The following SV2C variants were observed in gnomAD, a reference collection of about 807,000 sequenced individuals.
SV2C encodes the protein solute carrier family 22 member B3.
In SV2C, 49 loss-of-function variants were observed where a neutral mutation model predicts 79.7. The observed-to-expected ratio is 0.61, with a 90% CI of 0.49 to 0.78. The LOEUF (loss-of-function observed/expected upper bound fraction) is 0.78. Among genes scored for constraint, SV2C ranks in the 30% least tolerant of loss-of-function variants. SV2C has a pLI of 0.00. For missense variants in SV2C, 833 were observed against 912.9 expected (o/e 0.91, Z 1.13); for synonymous variants, 334 against 333.2 (o/e 1.00, Z -0.03).
the SV2C span, among the ~76,000 whole-genome samples, chr5:75,877,798 A>G: frequency 6.6e-6 from 1 of 152,116 alleles, no homozygotes; most frequent in Non-Finnish European, 1.5e-5. Context: ...GTTGAAGGGT[A>G]TAAGTGTTTC....
chr5:76,319,009 C>G (rs1393617875), intron 12 of SV2C, among the ~76,000 whole-genome samples: 2 of 152,182 alleles, frequency 1.3e-5, no homozygotes, highest in Non-Finnish European at 2.9e-5. Flanking sequence ...TAAGTAAGAA[C>G]AGAGAGTAAA....
chr5:75,901,162 T>C, the SV2C span, among the ~76,000 whole-genome samples: 1 of 152,234 alleles, frequency 6.6e-6, no homozygotes, highest in Admixed American at 6.5e-5. Flanking sequence ...AGAGTCGCTC[T>C]GCTTTTTAGA....
chr5:76,096,244 A>G (rs948155122), intron 1 of SV2C, among the ~76,000 whole-genome samples: 19 of 152,092 alleles, frequency 1.2e-4, no homozygotes, highest in Admixed American at 2.6e-4. Flanking sequence ...TCTTTTTCCT[A>G]ATATCTATCA....
chr5:75,999,075 G>C, the SV2C span, among the ~76,000 whole-genome samples: 2 of 151,952 alleles, frequency 1.3e-5, no homozygotes, highest in African/African-American at 4.8e-5. Context: ...ATTAGAGAAC[G>C]TGTGCAAGGG....
chr5:76,162,659 T>C (rs1041848859), intron 2 of SV2C, among the ~76,000 whole-genome samples: 1 of 152,220 alleles, frequency 6.6e-6, no homozygotes, highest in African/African-American at 2.4e-5. Context: ...TACATACATG[T>C]CACACAAAAT....
intron 12 of SV2C, among the ~76,000 whole-genome samples, chr5:76,322,480 C>A (rs150803345): frequency 0.027 from 4,078 of 152,268 alleles, 87 homozygotes; most frequent in Non-Finnish European, 0.04. Flanking sequence ...TTTATAGATT[C>A]AATGCTATTC....
chr5:76,264,382 T>C (rs548724578), intron 4 of SV2C, among the ~76,000 whole-genome samples: 21 of 152,096 alleles, frequency 1.4e-4, no homozygotes, highest in Non-Finnish European at 2.8e-4. Flanking sequence ...TAGAATGTGC[T>C]CCTTTAGCTC....
chr5:76,325,494 G>C lies in SV2C; in HGVS notation c.2131G>C (p.Gly711Arg), dbSNP rs779166705. 1 of 1,614,144 alleles carries C rather than the reference G, an allele frequency of 6.2e-7. No individual in the cohort carries two copies. The highest frequency in any genetic ancestry group is 8.5e-7 in the Non-Finnish European group (1 of 1,180,038). ...GCTGGCTTCTACTGTGCTCGTGTGT[G>C]GAGGACTCGTTGGGCTGTGCCTGCC... The part of the protein sequence containing the change: ...ILLASTVLVC[G>R]GLVGLCLPDT... The change falls in exon 13 of 13, where the codon GGA becomes CGA. Residue 711 changes from glycine (G) to arginine (R), a missense_variant. Transcript: ENST00000502798.
the SV2C span, chr5:75,911,705 G>A: frequency 5.5e-5 from 36 of 658,898 alleles, no homozygotes; most frequent in South Asian, 4.9e-4. Flanking sequence ...TCAGAGCCTG[G>A]AGAGGCAAAG....
chr5:76,019,203 A>T, the SV2C span, among the ~76,000 whole-genome samples: 1 of 152,318 alleles, frequency 6.6e-6, no homozygotes, highest in East Asian at 1.9e-4. Context: ...CTGGAAGCCA[A>T]GAGAGTAGTT....
chr5:75,861,628 A>G, the SV2C span, among the ~76,000 whole-genome samples: 4 of 121,116 alleles, frequency 3.3e-5, no homozygotes, highest in African/African-American at 2.4e-4. Context: ...CACACCATGG[A>G]CACAGCCATG....
chr5:75,922,213 T>C, the SV2C span, among the ~76,000 whole-genome samples: 3 of 152,148 alleles, frequency 2.0e-5, no homozygotes, highest in Non-Finnish European at 4.4e-5. Context: ...ATGCAGGCCA[T>C]AAGTGATAGA....
chr5:76,229,697 C>T (rs1400248321), intron 4 of SV2C, among the ~76,000 whole-genome samples: 2 of 152,224 alleles, frequency 1.3e-5, no homozygotes, highest in Non-Finnish European at 2.9e-5. Flanking sequence ...GGACAATGCC[C>T]TTATCCCCTG....
chr5:76,250,702 G>A (rs116405723), intron 4 of SV2C, among the ~76,000 whole-genome samples: 1,666 of 152,308 alleles, frequency 0.011, 39 homozygotes, highest in African/African-American at 0.038. Flanking sequence ...GAAGCCTGGA[G>A]TGAAGGAGGA....
At chr5:76,223,967 C>T (rs1346957541) in intron 4 of SV2C, among the ~76,000 whole-genome samples, 2 of 152,042 alleles carry the variant, frequency 1.3e-5, no homozygotes, top group Non-Finnish European at 2.9e-5. Flanking sequence ...TTTATAAGGC[C>T]ACAGTCCTGT....
At chr5:76,236,898 G>C (rs116375699) in intron 4 of SV2C, among the ~76,000 whole-genome samples, 1 of 152,156 alleles carries the variant, frequency 6.6e-6, no homozygotes, top group Admixed American at 6.5e-5. Flanking sequence ...TTGCATCCTG[G>C]GGGTAGTTTC....
chr5:76,306,388 G>T (rs955251220), intron 12 of SV2C, among the ~76,000 whole-genome samples: 2 of 152,108 alleles, frequency 1.3e-5, no homozygotes, highest in African/African-American at 4.8e-5. Flanking sequence ...GGTTTTAGGA[G>T]CTCAATGCCG....
chr5:76,343,234 A>G (rs1382590570), intron 12 of SV2C, among the ~76,000 whole-genome samples: 2 of 152,226 alleles, frequency 1.3e-5, no homozygotes, highest in Non-Finnish European at 2.9e-5. Context: ...TTTAGTAGTC[A>G]TCAGAAGATC....
At chr5:76,030,289 T>TTTAATTAATTTATTTA in the SV2C span, among the ~76,000 whole-genome samples, 2 of 117,874 alleles carry the variant, frequency 1.7e-5, no homozygotes, top group African/African-American at 7.8e-5. Flanking sequence ...TTTTTTTTTT[T>TTTAATTAATTTATTTA]TTTATTTATT....
Sources: gnomAD v4.1 joint callset for allele counts (sites outside exome capture counted in the v4.1 genomes callset) on GRCh38, gnomAD v4.1.1 for gene constraint, MANE v1.5 for transcripts, NCBI Gene and HGNC (gene_info 2026-07-23, HGNC 2026-07-21) for gene names.